ERCC6L2: variants seen among roughly 807,000 people sequenced by gnomAD.
ERCC6L2 encodes the protein ERCC excision repair 6 like 2.
A neutral mutation model predicts 132.0 loss-of-function variants in ERCC6L2; 77 were observed. That is an observed-to-expected ratio of 0.58 (90% CI 0.49 to 0.71). The LOEUF is 0.71. Ranked by LOEUF, ERCC6L2 falls within the 30% of genes least tolerant of loss-of-function variation. The pLI is 0.00. For missense variants in ERCC6L2, 1,542 were observed against 1,837.6 expected, an observed-to-expected ratio of 0.84 and a Z score of 2.94; for synonymous variants, 583 against 632.4, an observed-to-expected ratio of 0.92 and a Z score of 1.17.
chr9:95,901,265 A>AT lies in ERCC6L2; in HGVS notation c.594+3304dup, dbSNP rs930606782. Among the ~76,000 whole-genome samples, 1,301 of 149,822 alleles carry AT rather than the reference A, an allele frequency of 8.7e-3. 22 individuals are homozygous for AT. The highest frequency in any genetic ancestry group is 0.029 in the African/African-American group (1,199 of 40,832). Reference sequence around the variant, plus strand: ...AACCCGATTTTTTTCCTTGGAAAGGATTTTTTTTTTAATTGTTTGGAAGTA... The same window carrying AT: ...AACCCGATTTTTTTCCTTGGAAAGGATTTTTTTTTTTAATTGTTTGGAAGTA... On this transcript the variant is annotated intron_variant, in intron 3 of 18. Coordinates refer to ENST00000653738, the MANE Select transcript of ERCC6L2 (RefSeq NM_020207.7).
chr9:96,036,766 T>A (rs866365443), intron 19 of ERCC6L2, among the ~76,000 whole-genome samples: 7,966 of 133,170 alleles, frequency 0.06, 272 homozygotes, highest in African/African-American at 0.069. Flanking sequence ...TATTATTATT[T>A]TTATTTATTT....
rs561609884 is a variant in ERCC6L2 at position 96,040,594 on chromosome 9, C to A, written c.*1755+1467C>A. Among the ~76,000 whole-genome samples the A allele has an allele frequency of 2.0e-5, 3 of 152,308 alleles. No homozygotes were observed. In the East Asian group the frequency reaches 5.8e-4, roughly 29 times the overall value. ...CTAAGGTTCCTAAGTCCAGGCCTAT[C>A]CACAAGGCCAAGGGCTTTCACAAGG... On this transcript the variant is annotated intron_variant and NMD_transcript_variant, in intron 20 of 20. Coordinates refer to the ERCC6L2 transcript ENST00000670016.
chr9:95,999,221 C>T (rs938960308), intron 17 of ERCC6L2, among the ~76,000 whole-genome samples: 2 of 152,004 alleles, frequency 1.3e-5, no homozygotes, highest in Non-Finnish European at 2.9e-5. Flanking sequence ...ATTAGCCAGG[C>T]GTGGTGGTGG....
chr9:96,027,375 G>T (rs914892403), intron 19 of ERCC6L2, among the ~76,000 whole-genome samples: 9 of 152,228 alleles, frequency 5.9e-5, no homozygotes, highest in Non-Finnish European at 1.5e-5. Flanking sequence ...GGCAGGGAGA[G>T]CCCAGGCCCC....
chr9:95,950,959 C>A (rs1831303265), intron 12 of ERCC6L2, among the ~76,000 whole-genome samples: 1 of 152,098 alleles, frequency 6.6e-6, no homozygotes, highest in East Asian at 1.9e-4. Context: ...ATTTGAACAG[C>A]AATATAGACA....
At position 96,015,647 on chromosome 9, in the gene ERCC6L2, A is replaced by ACG. The variant is rs1834170946; in HGVS notation, c.*2445_*2446insGC. ...CGTCTCTACTAAAAAAAAAAAAAAT[A>ACG]CAAAAATTAGCCAGGCGTGGTGGTG... On this transcript the variant is annotated 3_prime_UTR_variant, in exon 19 of 19. Transcript: ENST00000653738. Among the ~76,000 whole-genome samples, 3 of 149,152 alleles carry ACG rather than the reference A, an allele frequency of 2.0e-5. No homozygotes were observed. The highest frequency in any genetic ancestry group is 2.1e-4 in the South Asian group (1 of 4,762).
At chr9:95,942,463 A>G (rs1830850940) in intron 12 of ERCC6L2, among the ~76,000 whole-genome samples, 1 of 152,154 alleles carries the variant, frequency 6.6e-6, no homozygotes. Context: ...AATTAAAACT[A>G]TTGCCAAAAT....
intron 1 of ERCC6L2, among the ~76,000 whole-genome samples, chr9:95,878,998 A>G (rs1224333665): frequency 6.6e-6 from 1 of 152,038 alleles, no homozygotes; most frequent in Non-Finnish European, 1.5e-5. Flanking sequence ...AGCATGATTT[A>G]TAGTCCTTTG....
At chr9:95,977,606 A>C (rs960510663) in intron 16 of ERCC6L2, among the ~76,000 whole-genome samples, 3 of 152,212 alleles carry the variant, frequency 2.0e-5, no homozygotes, top group African/African-American at 7.2e-5. Context: ...ACAAACAGTA[A>C]AACTGAGCAA....
At position 95,897,927 on chromosome 9, in the gene ERCC6L2, C is replaced by T. The variant is rs777114848; in HGVS notation, c.550C>T (p.Leu184=). 10 of 1,612,130 alleles carry T rather than the reference C, an allele frequency of 6.2e-6. No homozygotes were observed. Among genetic ancestry groups the T allele is most frequent in the Middle Eastern group, 1.7e-4 (1 of 6,028 alleles). The part of the protein sequence containing the change: ...DIENNMPEFL[L]RSMKKEPLSS... ...TGAAAATAACATGCCAGAGTTTTTACTAAGAAGTATGAAAAAGGAACCCCT... is the reference window on the plus strand; with the variant it reads ...TGAAAATAACATGCCAGAGTTTTTATTAAGAAGTATGAAAAAGGAACCCCT... Residue 184 remains leucine, a synonymous_variant, in exon 3 of 19, where the codon CTA becomes TTA. Transcript: ENST00000653738.
At chr9:95,971,906 A>T (rs200836866) in intron 15 of ERCC6L2, 27 bp from the exon 16 acceptor site, 7 of 1,239,514 alleles carry the variant, frequency 5.6e-6, no homozygotes, top group Non-Finnish European at 6.3e-6. Context: ...AGGTTTTCTG[A>T]TGTTTTTGTC....
chr9:96,030,394 T>G (rs1236563701), intron 19 of ERCC6L2, among the ~76,000 whole-genome samples: 1 of 152,106 alleles, frequency 6.6e-6, no homozygotes, highest in African/African-American at 2.4e-5. Context: ...TGTTGCTCAC[T>G]CTTTGGGTCC....
chr9:96,009,810 T>A (rs187945395), intron 18 of ERCC6L2, among the ~76,000 whole-genome samples: 26 of 152,334 alleles, frequency 1.7e-4, no homozygotes, highest in Admixed American at 4.6e-4. Context: ...ATAGTGTACT[T>A]GCAGACTACT....
chr9:96,005,300 G>A (rs1024947811), intron 18 of ERCC6L2, among the ~76,000 whole-genome samples: 1 of 151,722 alleles, frequency 6.6e-6, no homozygotes. Flanking sequence ...GCGACAGAGC[G>A]AGACTCTGTC....
chr9:96,026,149 C>T (rs1258130595), intron 19 of ERCC6L2, among the ~76,000 whole-genome samples: 1 of 152,206 alleles, frequency 6.6e-6, no homozygotes. Flanking sequence ...CCAGCCGGCC[C>T]GGGCGGGATG....
chr9:95,940,374 C>T (rs894669388), intron 11 of ERCC6L2, among the ~76,000 whole-genome samples: 7 of 152,046 alleles, frequency 4.6e-5, no homozygotes, highest in Non-Finnish European at 7.4e-5. Flanking sequence ...CTGTGACTTT[C>T]GGCATTACCA....
At chr9:95,950,705 A>G (rs886140301) in intron 12 of ERCC6L2, among the ~76,000 whole-genome samples, 4 of 152,236 alleles carry the variant, frequency 2.6e-5, no homozygotes, top group Non-Finnish European at 4.4e-5. Context: ...TTAATGTTAG[A>G]CAAAATAGAC....
chr9:95,883,492 A>G (rs1404596861), intron 2 of ERCC6L2, among the ~76,000 whole-genome samples: 4 of 152,194 alleles, frequency 2.6e-5, no homozygotes, highest in African/African-American at 4.8e-5. Flanking sequence ...TTTCGCATAT[A>G]CTTCTACTGT....
intron 18 of ERCC6L2, among the ~76,000 whole-genome samples, chr9:96,005,396 C>A (rs1193218547): frequency 6.6e-6 from 1 of 151,358 alleles, no homozygotes; most frequent in East Asian, 1.9e-4. Flanking sequence ...AGTAAACCTA[C>A]AAATAATTAT....
Sources: gnomAD v4.1 joint callset for allele counts (sites outside exome capture counted in the v4.1 genomes callset) on GRCh38, gnomAD v4.1.1 for gene constraint, MANE v1.5 for transcripts, NCBI Gene and HGNC (gene_info 2026-07-23, HGNC 2026-07-21) for gene names.